DNAJC1: variants seen among roughly 807,000 people sequenced by gnomAD.
DNAJC1 encodes the protein DnaJ heat shock protein family (Hsp40) member C1.
In DNAJC1, 58 loss-of-function variants were observed where a neutral mutation model predicts 76.6. The ratio of observed to expected loss-of-function variants is 0.76; its 90% CI spans 0.61 to 0.94. The LOEUF (loss-of-function observed/expected upper bound fraction) is 0.94, where lower values mean the gene tolerates loss of function less well. Among genes scored for constraint, DNAJC1 ranks in the 40% least tolerant of loss-of-function variants. DNAJC1 has a pLI of 0.00. For synonymous variants in DNAJC1, 258 were observed against 267.9 expected, an observed-to-expected ratio of 0.96 and a Z score of 0.36; for missense variants, 689 against 677.3, an observed-to-expected ratio of 1.02 and a Z score of -0.19.
chr10:21,831,227 A>G (rs1315420092), intron 8 of DNAJC1, among the ~76,000 whole-genome samples: 3 of 152,138 alleles, frequency 2.0e-5, no homozygotes, highest in African/African-American at 4.8e-5. Context: ...CAATGGTTCT[A>G]GAACACAGGA....
chr10:21,794,945 G>A (rs1834735620), intron 9 of DNAJC1, among the ~76,000 whole-genome samples: 1 of 151,952 alleles, frequency 6.6e-6, no homozygotes, highest in Admixed American at 6.6e-5. Context: ...TTTACCAGCT[G>A]AGCATTCTGA....
intron 1 of DNAJC1, among the ~76,000 whole-genome samples, chr10:21,958,158 G>T (rs1837724744): frequency 6.6e-6 from 1 of 151,934 alleles, no homozygotes; most frequent in Admixed American, 6.6e-5. Flanking sequence ...AACTATAATG[G>T]AGTTAAAAAG....
At chr10:21,833,362 T>C (rs892591617) in intron 8 of DNAJC1, among the ~76,000 whole-genome samples, 7 of 152,064 alleles carry the variant, frequency 4.6e-5, no homozygotes, top group Non-Finnish European at 7.4e-5. Context: ...TCCCAGCTAT[T>C]TGGGAGACTG....
At chr10:21,774,974 C>T (rs913212524) in intron 9 of DNAJC1, among the ~76,000 whole-genome samples, 1 of 152,156 alleles carries the variant, frequency 6.6e-6, no homozygotes, top group African/African-American at 2.4e-5. Context: ...CTTCCTGTTT[C>T]TACAGAGTCA....
chr10:21,902,596 T>C (rs1478154169), intron 7 of DNAJC1, among the ~76,000 whole-genome samples: 2 of 152,116 alleles, frequency 1.3e-5, no homozygotes, highest in Non-Finnish European at 2.9e-5. Flanking sequence ...TGAGCCACTG[T>C]GCCCGGCCAA....
intron 1 of DNAJC1, among the ~76,000 whole-genome samples, chr10:21,954,310 T>G (rs767504548): frequency 1.3e-5 from 2 of 152,186 alleles, no homozygotes; most frequent in Admixed American, 6.5e-5. Context: ...ACTCTCAGGA[T>G]GTAGTCATAA....
intron 8 of DNAJC1, among the ~76,000 whole-genome samples, chr10:21,826,404 C>T (rs1464171222): frequency 1.3e-5 from 2 of 152,092 alleles, no homozygotes; most frequent in Non-Finnish European, 2.9e-5. Flanking sequence ...AATCTTCCTG[C>T]CTCAGCCTCC....
intron 1 of DNAJC1, among the ~76,000 whole-genome samples, chr10:21,937,191 C>A (rs1432641664): frequency 6.6e-6 from 1 of 151,934 alleles, no homozygotes; most frequent in Non-Finnish European, 1.5e-5. Context: ...CTGATGATGG[C>A]AAGAGAGGAT....
At chr10:21,964,673 T>C (rs536511519) in intron 1 of DNAJC1, among the ~76,000 whole-genome samples, 2 of 152,132 alleles carry the variant, frequency 1.3e-5, no homozygotes, top group African/African-American at 2.4e-5. Context: ...CCCTGAAGTT[T>C]AGTCTTTGGT....
At position 21,940,989 on chromosome 10, in the gene DNAJC1, C is replaced by T. The variant is rs1314485820; in HGVS notation, c.223-11848G>A. Among the ~76,000 whole-genome samples the T allele has an allele frequency of 5.3e-5, 8 of 151,296 alleles. No individual in the cohort carries two copies. The South Asian group carries it at 8.3e-4, about 16-fold the overall frequency. The stretch of plus-strand genomic sequence containing the variant: ...ACAACTGGCCAGGCGCGGTAGCTCA[C>T]GCCTGTAATCCCAGCACTTTGGGAG... On this transcript the variant is annotated intron_variant, in intron 1 of 11. Transcript: ENST00000376980.
At chr10:21,989,937 T>C (rs1335890516) in intron 1 of DNAJC1, among the ~76,000 whole-genome samples, 1 of 152,184 alleles carries the variant, frequency 6.6e-6, no homozygotes. Context: ...CGCAGAAACA[T>C]AATATTTCAA....
chr10:21,838,138 T>C (rs1403606124), intron 8 of DNAJC1, among the ~76,000 whole-genome samples: 2 of 152,040 alleles, frequency 1.3e-5, no homozygotes, highest in African/African-American at 4.8e-5. Flanking sequence ...CAACAGCTCA[T>C]TGAGAACGGG....
chr10:21,929,111 A>G lies in DNAJC1; in HGVS notation c.253T>C (p.Tyr85His), dbSNP rs752256681. Residue 85 changes from tyrosine (Y) to histidine (H), a missense_variant, in exon 2 of 12, where the codon TAT (tyrosine) becomes CAT (histidine). Coordinates refer to ENST00000376980, the MANE Select transcript of DNAJC1 (RefSeq NM_022365.4). ...TGTAAAGTTAGTGAAAGCTTACGAT[A>G]TGCTTTTCTGATGTCTGCAGATGAT... is the stretch of plus-strand genomic sequence containing the variant. The part of the protein sequence containing the change: ...DASSADIRKA[Y>H]RKLSLTLHPD... The G allele has an allele frequency of 1.2e-6, 2 of 1,612,516 alleles. No homozygotes were observed. The highest frequency in any genetic ancestry group is 8.5e-7 in the Non-Finnish European group (1 of 1,179,646).
intron 8 of DNAJC1, among the ~76,000 whole-genome samples, chr10:21,808,434 T>C (rs934071768): frequency 2.6e-5 from 4 of 152,198 alleles, no homozygotes; most frequent in Non-Finnish European, 5.9e-5. Flanking sequence ...AAAAATCACC[T>C]ACTGCTATGA....
At chr10:21,804,562 TAAAA>T (rs562513529) in intron 9 of DNAJC1, among the ~76,000 whole-genome samples, 70 of 148,698 alleles carry the variant, frequency 4.7e-4, no homozygotes, top group African/African-American at 1.7e-3. Flanking sequence ...ACCGAGATAA[TAAAA>T]CACACCATCC....
At chr10:21,814,250 A>G (rs1184636049) in intron 8 of DNAJC1, among the ~76,000 whole-genome samples, 1 of 152,176 alleles carries the variant, frequency 6.6e-6, no homozygotes, top group Non-Finnish European at 1.5e-5. Context: ...ATACCAGGAA[A>G]TAGGTTCAAA....
rs79661637 is a variant in DNAJC1 at position 21,799,603 on chromosome 10, T to C, written c.1098+6377A>G. On this transcript the variant is annotated intron_variant, in intron 9 of 11. Coordinates refer to ENST00000376980, the MANE Select transcript of DNAJC1 (RefSeq NM_022365.4). The stretch of plus-strand genomic sequence containing the variant: ...CAGGCATTAGTTGCTGCACTTTGCC[T>C]TTTTTTTCTTTTCCACATTTTTACA... Among the ~76,000 whole-genome samples, 622 of 152,050 alleles carry C rather than the reference T, an allele frequency of 4.1e-3. 9 individuals carry two copies. Among genetic ancestry groups the C allele is most frequent in the African/African-American group, 0.014 (593 of 41,468 alleles).
intron 8 of DNAJC1, among the ~76,000 whole-genome samples, chr10:21,824,211 G>T (rs1242848382): frequency 6.6e-6 from 1 of 152,166 alleles, no homozygotes; most frequent in Non-Finnish European, 1.5e-5. Context: ...TCTTCTGAAG[G>T]AATACTAAAG....
In DNAJC1 at chr10:21,789,424, T is replaced by C. The variant is rs143965869; in HGVS notation, c.1098+16556A>G. On this transcript the variant is annotated intron_variant, in intron 9 of 11. Coordinates refer to ENST00000376980, the MANE Select transcript of DNAJC1 (RefSeq NM_022365.4). ...CTCTAGAAAGTTTGGAAGAGGCTATTGTTTCACAGACATCAATACAGGGAC... is the reference window on the plus strand; with the variant it reads ...CTCTAGAAAGTTTGGAAGAGGCTATCGTTTCACAGACATCAATACAGGGAC... 4.1e-3 allele frequency among the ~76,000 whole-genome samples: 619 copies of C among 152,318 alleles called. 7 individuals carry two copies. The highest frequency in any genetic ancestry group is 0.015 in the African/African-American group (611 of 41,568).
Sources: gnomAD v4.1 joint callset for allele counts (sites outside exome capture counted in the v4.1 genomes callset) on GRCh38, gnomAD v4.1.1 for gene constraint, MANE v1.5 for transcripts, NCBI Gene and HGNC (gene_info 2026-07-23, HGNC 2026-07-21) for gene names.